CHRM3: variants seen among roughly 807,000 people sequenced by gnomAD.
CHRM3 encodes cholinergic receptor muscarinic 3, also known as muscarinic acetylcholine receptor M3.
CHRM3 carries 11 observed loss-of-function variants against 41.8 expected under a neutral mutation model. That is an observed-to-expected ratio of 0.26 (90% confidence interval 0.17 to 0.44). The LOEUF (loss-of-function observed/expected upper bound fraction) is 0.44. Among genes scored for constraint, CHRM3 ranks in the 20% least tolerant of loss-of-function variants. CHRM3 has a pLI of 1.00. For missense variants in CHRM3, 571 were observed against 745.4 expected (o/e 0.77, Z 2.72); for synonymous variants, 297 against 301.4 (o/e 0.99, Z 0.15).
chr1:239,472,740 A>AG (rs1666211790), intron 1 of CHRM3, among the ~76,000 whole-genome samples: 1 of 150,928 alleles, frequency 6.6e-6, no homozygotes, highest in Non-Finnish European at 1.5e-5. Context: ...GGGATGGAGG[A>AG]GGGGGAGAGC....
At chr1:239,390,679 A>G (rs1658952150) in intron 1 of CHRM3, among the ~76,000 whole-genome samples, 1 of 150,694 alleles carries the variant, frequency 6.6e-6, no homozygotes, top group Non-Finnish European at 1.5e-5. Flanking sequence ...ACTCACTGCA[A>G]CCTCCGCCTC....
intron 4 of CHRM3, among the ~76,000 whole-genome samples, chr1:239,669,176 C>A (rs937292305): frequency 1.3e-5 from 2 of 152,072 alleles, no homozygotes; most frequent in Non-Finnish European, 2.9e-5. Context: ...AGCCAGCGTT[C>A]CCCGAAGTTA....
chr1:239,620,548 T>C (rs1014748476), intron 3 of CHRM3, among the ~76,000 whole-genome samples: 1 of 151,632 alleles, frequency 6.6e-6, no homozygotes, highest in Non-Finnish European at 1.5e-5. Flanking sequence ...GGTGAGGAAA[T>C]AGGAAACAAA....
chr1:239,844,434 T>C (rs1040169474), intron 6 of CHRM3, among the ~76,000 whole-genome samples: 1 of 152,066 alleles, frequency 6.6e-6, no homozygotes, highest in African/African-American at 2.4e-5. Flanking sequence ...ATAAAGGAGG[T>C]GATAGCACAC....
At chr1:239,865,878 C>T (rs1306728622) in intron 6 of CHRM3, among the ~76,000 whole-genome samples, 1 of 152,136 alleles carries the variant, frequency 6.6e-6, no homozygotes, top group Non-Finnish European at 1.5e-5. Flanking sequence ...GTTGTCCTTG[C>T]AGCCTCTGTG....
intron 6 of CHRM3, among the ~76,000 whole-genome samples, chr1:239,855,287 A>G (rs1418593613): frequency 2.6e-5 from 4 of 152,280 alleles, no homozygotes; most frequent in African/African-American, 9.6e-5. Context: ...AAAAAATTAT[A>G]GAGAGGGTTT....
At chr1:239,426,148 C>CCCCCT (rs1230142031) in intron 1 of CHRM3, among the ~76,000 whole-genome samples, 1 of 42,570 alleles carries the variant, frequency 2.3e-5, no homozygotes, top group African/African-American at 7.9e-5. Flanking sequence ...CCTCCCCCCT[C>CCCCCT]CCCCCTCCCC....
chr1:239,771,617 G>A (rs1346579919), intron 5 of CHRM3, among the ~76,000 whole-genome samples: 3 of 152,198 alleles, frequency 2.0e-5, no homozygotes, highest in Non-Finnish European at 4.4e-5. Context: ...TGTAGACCAA[G>A]GGTCGGCAAA....
intron 4 of CHRM3, among the ~76,000 whole-genome samples, chr1:239,676,885 A>G (rs1256915139): frequency 6.6e-6 from 1 of 152,236 alleles, no homozygotes; most frequent in Non-Finnish European, 1.5e-5. Context: ...ATTTAAATCT[A>G]TAAAAGGATG....
intron 3 of CHRM3, among the ~76,000 whole-genome samples, chr1:239,608,984 A>G (rs920585687): frequency 6.6e-6 from 1 of 152,190 alleles, no homozygotes; most frequent in African/African-American, 2.4e-5. Flanking sequence ...CTAAGACATA[A>G]TTGATATACT....
At chr1:239,804,704 C>A (rs569969768) in intron 5 of CHRM3, among the ~76,000 whole-genome samples, 1 of 152,166 alleles carries the variant, frequency 6.6e-6, no homozygotes, top group African/African-American at 2.4e-5. Flanking sequence ...CAACTCGGTT[C>A]GAGCTAAATG....
At chr1:239,507,346 A>G (rs1405982322) in intron 2 of CHRM3, among the ~76,000 whole-genome samples, 1 of 152,144 alleles carries the variant, frequency 6.6e-6, no homozygotes, top group Non-Finnish European at 1.5e-5. Context: ...AACAAGTCTC[A>G]TGAGATCTGA....
chr1:239,903,178 G>A (rs954412080), intron 6 of CHRM3, among the ~76,000 whole-genome samples: 12 of 151,948 alleles, frequency 7.9e-5, no homozygotes, highest in African/African-American at 2.4e-4. Context: ...TCATTTGGGG[G>A]GGCTCTTCAG....
chr1:239,796,020 T>C (rs568292251), intron 5 of CHRM3, among the ~76,000 whole-genome samples: 6 of 152,314 alleles, frequency 3.9e-5, no homozygotes, highest in Non-Finnish European at 8.8e-5. Flanking sequence ...TGGAGTCTTT[T>C]GGCTGAGCAT....
chr1:239,704,253 C>T (rs562066523), intron 5 of CHRM3: 7 of 152,232 alleles, frequency 4.6e-5, no homozygotes, highest in East Asian at 1.9e-4. Context: ...AAAGTGGGCC[C>T]GCATCATACA....
rs140645365 is a variant in CHRM3 at position 239,400,353 on chromosome 1, A to G, written c.-521+13126A>G. On this transcript the variant is annotated intron_variant, in intron 1 of 6. Coordinates refer to ENST00000676153, the MANE Select transcript of CHRM3 (RefSeq NM_001375978.1). ...ACTTCCTTATATGTTCTGGTTATTA[A>G]TCCCTTGTCAGATGGATAGTTTGCA... 3.8e-3 allele frequency among the ~76,000 whole-genome samples: 577 copies of G among 152,232 alleles called. 5 individuals carry two copies. The highest frequency in any genetic ancestry group is 0.013 in the African/African-American group (558 of 41,540).
At chr1:239,785,390 C>T (rs1401409538) in intron 5 of CHRM3, among the ~76,000 whole-genome samples, 2 of 152,130 alleles carry the variant, frequency 1.3e-5, no homozygotes, top group African/African-American at 4.8e-5. Flanking sequence ...AGGCTGCATT[C>T]TTTTAAATGG....
At chr1:239,777,896 A>G (rs2148778252) in intron 5 of CHRM3, among the ~76,000 whole-genome samples, 1 of 152,186 alleles carries the variant, frequency 6.6e-6, no homozygotes, top group Non-Finnish European at 1.5e-5. Context: ...TCTTCAGGGG[A>G]ATATAAGAAA....
chr1:239,537,138 C>A (rs889354059), intron 2 of CHRM3, among the ~76,000 whole-genome samples: 1 of 152,116 alleles, frequency 6.6e-6, no homozygotes, highest in Admixed American at 6.6e-5. Context: ...CCAGTCTAGA[C>A]GTCTCCTGGA....
Sources: gnomAD v4.1 joint callset for allele counts (sites outside exome capture counted in the v4.1 genomes callset) on GRCh38, gnomAD v4.1.1 for gene constraint, MANE v1.5 for transcripts, NCBI Gene and HGNC (gene_info 2026-07-23, HGNC 2026-07-21) for gene names.